Variants in UNC5B observed in about 807,000 individuals in gnomAD.
The protein encoded by UNC5B is unc-5 netrin receptor B.
UNC5B carries 56 observed loss-of-function variants against 103.7 expected under a neutral mutation model. That is an observed-to-expected ratio of 0.54 (90% confidence interval 0.44 to 0.67). UNC5B has a LOEUF of 0.67. UNC5B is among the 30% of genes least tolerant of loss of function. The pLI is 0.00. For missense variants in UNC5B, 1,194 were observed against 1,284.5 expected (o/e 0.93, Z 1.08); for synonymous variants, 577 against 542.0 (o/e 1.06, Z -0.90).
At chr10:71,277,029 G>C (rs529160548) in intron 1 of UNC5B, among the ~76,000 whole-genome samples, 1 of 152,374 alleles carries the variant, frequency 6.6e-6, no homozygotes, top group African/African-American at 2.4e-5. Context: ...GGGGTAGGAA[G>C]AGTAGGGCGG....
chr10:71,250,890 C>T (rs1002514580), intron 1 of UNC5B, among the ~76,000 whole-genome samples: 1 of 152,172 alleles, frequency 6.6e-6, no homozygotes, highest in Non-Finnish European at 1.5e-5. Context: ...GAGGGGAATA[C>T]TTACAGCATG....
Position 71,286,676 on chromosome 10 carries a change from C to A in UNC5B, c.553-13C>A. 1 of 1,613,914 alleles carries A rather than the reference C, an allele frequency of 6.2e-7. No individual in the cohort carries two copies. Among genetic ancestry groups the A allele is most frequent in the South Asian group, 1.1e-5 (1 of 91,064 alleles). ...CCTGGGCCCTCACTGCCCCCTCACC[C>A]CCACTCTTGCAGGTGGAATGGCTCA... is the stretch of plus-strand genomic sequence containing the variant. On this transcript the variant is annotated splice_polypyrimidine_tract_variant and intron_variant, in intron 4 of 16. Transcript: ENST00000335350.
chr10:71,240,825 G>A (rs1325909503), intron 1 of UNC5B, among the ~76,000 whole-genome samples: 2 of 152,178 alleles, frequency 1.3e-5, no homozygotes, highest in Non-Finnish European at 2.9e-5. Context: ...TTCCTTTGAC[G>A]GCCCTTAGAA....
chr10:71,213,179 C>T lies in UNC5B; in HGVS notation c.79+115C>T. On this transcript the variant is annotated intron_variant, in intron 1 of 16. Transcript: ENST00000335350. This position sits in a 1 kb window ranked among gnomAD's most constrained non-coding sequence, Gnocchi z 4.1. Reference sequence around the variant, plus strand: ...ATGCGCGCAGGAAAAGCGGCAAGGGCGCCCAAGTTAGAATGTAGATTTTAC... The same window carrying T: ...ATGCGCGCAGGAAAAGCGGCAAGGGTGCCCAAGTTAGAATGTAGATTTTAC... 3 of 861,230 alleles carry T rather than the reference C, an allele frequency of 3.5e-6. No homozygotes were observed. The highest frequency in any genetic ancestry group is 1.8e-5 in the African/African-American group (1 of 57,100). The allele number at this position is 861,230 out of a possible 1,614,324, so 53.3% of individuals were successfully genotyped here.
chr10:71,277,846 A>AAATGAG lies in UNC5B; in HGVS notation c.80-1974_80-1969dup, dbSNP rs146452692. Among the ~76,000 whole-genome samples, 482 of 152,296 alleles carry AAATGAG rather than the reference A, an allele frequency of 3.2e-3. 3 individuals carry two copies. Among genetic ancestry groups the AAATGAG allele is most frequent in the African/African-American group, 0.011 (460 of 41,564 alleles). ...ATGGTCTTCAGTTTCCTCTGCTTTG[A>AAATGAG]AATGAGGACATTTCCAGCCTTGCAG... On this transcript the variant is annotated intron_variant, in intron 1 of 16. Transcript: ENST00000335350.
At chr10:71,234,257 C>G (rs1331138786) in intron 1 of UNC5B, among the ~76,000 whole-genome samples, 2 of 152,226 alleles carry the variant, frequency 1.3e-5, no homozygotes, top group African/African-American at 2.4e-5. Flanking sequence ...CCTTGGCCCG[C>G]ACTTGACACC....
At chr10:71,220,085 C>T (rs759199273) in intron 1 of UNC5B, among the ~76,000 whole-genome samples, 1 of 152,198 alleles carries the variant, frequency 6.6e-6, no homozygotes, top group Non-Finnish European at 1.5e-5. Flanking sequence ...TGGCCCCATT[C>T]CACCTCCCAG....
chr10:71,235,508 C>T (rs1017451079), intron 1 of UNC5B, among the ~76,000 whole-genome samples: 2 of 152,232 alleles, frequency 1.3e-5, no homozygotes, highest in Non-Finnish European at 2.9e-5. Context: ...CCGTGGTCAG[C>T]GTTCCTCAGC....
intron 1 of UNC5B, among the ~76,000 whole-genome samples, chr10:71,223,293 T>C (rs1466745131): frequency 2.0e-5 from 3 of 152,222 alleles, no homozygotes; most frequent in South Asian, 2.1e-4. Context: ...TGAGAACTCA[T>C]GGTCAGGCCT....
Position 71,261,361 on chromosome 10 carries a change from A to T in UNC5B, c.80-18460A>T, listed in dbSNP as rs558751262. Reference sequence around the variant, plus strand: ...TAGTGATGCTTGCCACAGCCTCAGGATTGGCCAGGTGGCCGTGCATTTGCC... The same window carrying T: ...TAGTGATGCTTGCCACAGCCTCAGGTTTGGCCAGGTGGCCGTGCATTTGCC... On this transcript the variant is annotated intron_variant, in intron 1 of 16. Coordinates refer to ENST00000335350, the MANE Select transcript of UNC5B (RefSeq NM_170744.5). Among the ~76,000 whole-genome samples the T allele has an allele frequency of 2.4e-4, 37 of 152,274 alleles. 1 individual carries two copies. In the East Asian group the frequency reaches 7.1e-3, roughly 29 times the overall value.
rs751236661 is a variant in UNC5B, at chr10:71,299,205, C to T, written c.2766C>T (p.Ser922=). Reference sequence around the variant, plus strand: ...AGCAGGACGATGGGGACCTCAACAGCCTGGCGAGTGCCTTGGAGGAGATGG... The same window carrying T: ...AGCAGGACGATGGGGACCTCAACAGTCTGGCGAGTGCCTTGGAGGAGATGG... The part of the protein sequence containing the change: ...ALQQDDGDLN[S]LASALEEMGK... Residue 922 remains serine (S), a synonymous_variant, in exon 17 of 17, where the codon AGC becomes AGT. Coordinates refer to ENST00000335350, the MANE Select transcript of UNC5B (RefSeq NM_170744.5). 6.2e-7 allele frequency: 1 copy of T among 1,614,260 alleles called. No individual in the cohort carries two copies.
At chr10:71,278,044 C>G (rs999164968) in intron 1 of UNC5B, among the ~76,000 whole-genome samples, 4 of 152,206 alleles carry the variant, frequency 2.6e-5, no homozygotes, top group African/African-American at 9.7e-5. Flanking sequence ...CAGGTTCAAA[C>G]TTTTGATCTG....
At chr10:71,277,547 C>T (rs1372975689) in intron 1 of UNC5B, among the ~76,000 whole-genome samples, 1 of 152,218 alleles carries the variant, frequency 6.6e-6, no homozygotes, top group East Asian at 1.9e-4. Context: ...CCTCAGTGGC[C>T]ATCTCAGGGC....
intron 1 of UNC5B, among the ~76,000 whole-genome samples, chr10:71,223,619 A>G (rs1843493221): frequency 1.3e-5 from 2 of 152,132 alleles, no homozygotes; most frequent in African/African-American, 2.4e-5. Context: ...CCCTTTACAT[A>G]GAGAAAGTAG....
intron 1 of UNC5B, among the ~76,000 whole-genome samples, chr10:71,255,702 C>T (rs888898178): frequency 6.6e-6 from 1 of 152,236 alleles, no homozygotes; most frequent in South Asian, 2.1e-4. Flanking sequence ...CTCAACCAAA[C>T]TTCATTCACA....
intron 1 of UNC5B, among the ~76,000 whole-genome samples, chr10:71,257,275 G>C (rs541626833): frequency 6.6e-6 from 1 of 152,338 alleles, no homozygotes; most frequent in South Asian, 2.1e-4. Flanking sequence ...GCCTCTCTCT[G>C]TGTCTTCTTA....
At chr10:71,256,812 GC>G (rs1258637341) in intron 1 of UNC5B, among the ~76,000 whole-genome samples, 26 of 152,224 alleles carry the variant, frequency 1.7e-4, no homozygotes, top group Admixed American at 1.7e-3. Context: ...GGAAGCAGGG[GC>G]CCAGAAAGGG....
intron 1 of UNC5B, among the ~76,000 whole-genome samples, chr10:71,275,260 A>G (rs1844742171): frequency 1.3e-5 from 2 of 152,252 alleles, no homozygotes; most frequent in East Asian, 1.9e-4. Flanking sequence ...ACTCTTGGGA[A>G]AAAACACTTC....
chr10:71,252,554 A>G (rs988468400), intron 1 of UNC5B, among the ~76,000 whole-genome samples: 1 of 152,244 alleles, frequency 6.6e-6, no homozygotes, highest in Non-Finnish European at 1.5e-5. Context: ...GACAACCACT[A>G]GCAGTTTTTC....
Sources: gnomAD v4.1 joint callset for allele counts (sites outside exome capture counted in the v4.1 genomes callset) on GRCh38, gnomAD v4.1.1 for gene constraint, Gnocchi (gnomAD v3.1) non-coding constraint, MANE v1.5 for transcripts, NCBI Gene and HGNC (gene_info 2026-07-23, HGNC 2026-07-21) for gene names.